Variants in BOC observed in about 807,000 individuals in gnomAD.
The protein encoded by BOC is BOC cell adhesion associated, oncogene regulated, also known as brother of CDO.
A neutral mutation model predicts 112.0 loss-of-function variants in BOC; 76 were observed. The ratio of observed to expected loss-of-function variants is 0.68; its 90% CI spans 0.56 to 0.82. The LOEUF (loss-of-function observed/expected upper bound fraction) is 0.82. BOC is among the 40% of genes least tolerant of loss of function. The pLI, the probability that BOC is intolerant of heterozygous loss-of-function variation, is 0.00. For missense variants in BOC, 1,309 were observed against 1,511.7 expected (o/e 0.87, Z 2.22); for synonymous variants, 580 against 599.8 (o/e 0.97, Z 0.48).
chr3:113,279,580 A>G (rs1045173886), intron 12 of BOC, 125 bp downstream of exon 12: 35 of 966,956 alleles, frequency 3.6e-5, no homozygotes, highest in Admixed American at 1.5e-4. Flanking sequence ...GCATGCCTCC[A>G]TGTTGCTGTC....
intron 4 of BOC, among the ~76,000 whole-genome samples, chr3:113,261,453 C>T (rs1046343343): frequency 1.3e-5 from 2 of 152,126 alleles, no homozygotes; most frequent in African/African-American, 4.8e-5. Context: ...AAAAGAAACT[C>T]CCCAGTTCTG....
chr3:113,263,820 G>A (rs1267896353), intron 4 of BOC, among the ~76,000 whole-genome samples: 5 of 152,184 alleles, frequency 3.3e-5, no homozygotes, highest in East Asian at 3.8e-4. Flanking sequence ...GCCAATTTGC[G>A]GTTTCACATG....
At chr3:113,234,831 C>G (rs534738898) in intron 2 of BOC, among the ~76,000 whole-genome samples, 24 of 152,272 alleles carry the variant, frequency 1.6e-4, no homozygotes, top group African/African-American at 5.5e-4. Flanking sequence ...TTGGATGATT[C>G]GGGGGAAATT....
upstream of BOC, chr3:113,211,399 G>C (rs1327591295): frequency 6.6e-6 from 1 of 152,308 alleles, no homozygotes; most frequent in Non-Finnish European, 1.5e-5. Flanking sequence ...TAGAGTTTGG[G>C]GGACTTTTTC....
At chr3:113,252,356 CCATCAT>C (rs368400591) in intron 4 of BOC, among the ~76,000 whole-genome samples, 2 of 152,078 alleles carry the variant, frequency 1.3e-5, no homozygotes, top group African/African-American at 4.8e-5. Context: ...ATCCATGTCA[CCATCAT>C]CATCATCATC....
At chr3:113,241,382 A>T (rs1307776520) in intron 2 of BOC, among the ~76,000 whole-genome samples, 1 of 151,964 alleles carries the variant, frequency 6.6e-6, no homozygotes, top group Admixed American at 6.6e-5. Context: ...ACACAACATC[A>T]AGTGTTCCTG....
intron 4 of BOC, among the ~76,000 whole-genome samples, chr3:113,267,431 T>C (rs1179299437): frequency 6.6e-6 from 1 of 152,194 alleles, no homozygotes; most frequent in Non-Finnish European, 1.5e-5. Flanking sequence ...CCAGGAGAGA[T>C]GGCTATGGGG....
At chr3:113,213,020 G>A (rs1938552404) in intron 1 of BOC, among the ~76,000 whole-genome samples, 1 of 152,172 alleles carries the variant, frequency 6.6e-6, no homozygotes, top group South Asian at 2.1e-4. Context: ...GATTTGTTTG[G>A]CAGAGTTTTG....
intron 2 of BOC, among the ~76,000 whole-genome samples, chr3:113,221,081 C>G (rs972014389): frequency 1.3e-5 from 2 of 152,212 alleles, no homozygotes; most frequent in Non-Finnish European, 2.9e-5. Flanking sequence ...TCAGTTCTGG[C>G]TTTGCCAGTC....
chr3:113,272,326 G>T, intron 6 of BOC, 84 bp from the exon 7 acceptor site: 3 of 1,458,596 alleles, frequency 2.1e-6, no homozygotes, highest in Non-Finnish European at 1.9e-6. Flanking sequence ...CCATCTCCAT[G>T]CTCTCTGGGA....
intron 9 of BOC, among the ~76,000 whole-genome samples, chr3:113,275,788 G>A (rs1029200368): frequency 3.9e-5 from 6 of 152,156 alleles, no homozygotes; most frequent in African/African-American, 1.4e-4. Flanking sequence ...CTGTTTCCCT[G>A]CCTTGGAGCC....
intron 15 of BOC, 86 bp from the exon 16 acceptor site, chr3:113,283,325 T>C (rs565148226): frequency 5.1e-6 from 7 of 1,364,056 alleles, no homozygotes; most frequent in Middle Eastern, 2.7e-4. Context: ...CCCAAACCCA[T>C]GGAATGGGGG....
At chr3:113,242,956 T>C (rs759943089) in intron 2 of BOC, among the ~76,000 whole-genome samples, 2 of 152,116 alleles carry the variant, frequency 1.3e-5, no homozygotes, top group African/African-American at 2.4e-5. Flanking sequence ...AATTCAGCTT[T>C]GCTAATATTT....
chr3:113,264,115 A>G (rs1947193398), intron 4 of BOC, among the ~76,000 whole-genome samples: 2 of 152,222 alleles, frequency 1.3e-5, no homozygotes, highest in Admixed American at 1.3e-4. Context: ...GGGCTTTCTC[A>G]GAAATCACAA....
chr3:113,271,399 T>G, intron 6 of BOC: 2 of 348,804 alleles, frequency 5.7e-6, no homozygotes, highest in South Asian at 4.3e-5. Context: ...TGCACCACCC[T>G]CTGGTGAGCT....
chr3:113,237,499 G>A (rs1006253106), intron 2 of BOC, among the ~76,000 whole-genome samples: 1 of 152,184 alleles, frequency 6.6e-6, no homozygotes, highest in Non-Finnish European at 1.5e-5. Context: ...CTGCAGCCCA[G>A]TGGCTATAGG....
chr3:113,219,231 C>T (rs1940090385), intron 2 of BOC, among the ~76,000 whole-genome samples: 1 of 152,196 alleles, frequency 6.6e-6, no homozygotes. Context: ...TTCACCCCAT[C>T]GCTTAGGGAA....
Position 113,273,171 on chromosome 3 carries a change from T to C in BOC, c.1064T>C (p.Leu355Pro). ...EVRGNPPPSV[L>P]WLRNAVPLIS... ...CGTGGGAACCCCCCGCCCTCCGTGCTGTGGCTGAGGAATGCTGTGCCCCTC... is the reference window on the plus strand; with the variant it reads ...CGTGGGAACCCCCCGCCCTCCGTGCCGTGGCTGAGGAATGCTGTGCCCCTC... The change falls in exon 8 of 20, where the codon CTG becomes CCG. Residue 355 changes from leucine (L) to proline (P), a missense_variant. Leu to Pro is a moderately conservative substitution (Grantham distance 98). Coordinates refer to ENST00000682979, the MANE Select transcript of BOC (RefSeq NM_001378074.1). The C allele has an allele frequency of 6.2e-7, 1 of 1,614,064 alleles. No individual in the cohort carries two copies. Among genetic ancestry groups the C allele is most frequent in the Non-Finnish European group, 8.5e-7 (1 of 1,180,016 alleles).
At chr3:113,276,983 C>T (rs542744335) in intron 9 of BOC, among the ~76,000 whole-genome samples, 7 of 152,256 alleles carry the variant, frequency 4.6e-5, no homozygotes, top group South Asian at 4.1e-4. Context: ...AAAGGTGGCG[C>T]GGCAAAGATG....
Sources: allele counts gnomAD v4.1 joint callset (sites outside exome capture counted in the v4.1 genomes callset), GRCh38; gene constraint gnomAD v4.1.1; transcripts MANE v1.5; gene names NCBI Gene and HGNC (gene_info 2026-07-23, HGNC 2026-07-21).